The following FCER1A variants were observed in gnomAD, a reference collection of about 807,000 sequenced individuals.
The protein encoded by FCER1A is high affinity immunoglobulin epsilon receptor subunit alpha.
In FCER1A, 24 loss-of-function variants were observed where a neutral mutation model predicts 23.6. The observed-to-expected ratio is 1.02, with a 90% CI of 0.74 to 1.43. The LOEUF is 1.43. Ranked by LOEUF, FCER1A falls within the 40% of genes most tolerant of loss-of-function variation. The probability of loss-of-function intolerance (pLI) is 0.00; values close to 1 mark genes in which losing one functional copy is unlikely to be tolerated. For missense variants in FCER1A, 318 were observed against 294.5 expected, an observed-to-expected ratio of 1.08 and a Z score of -0.58; for synonymous variants, 121 against 108.8, an observed-to-expected ratio of 1.11 and a Z score of -0.70.
chr1:159,307,216 T>A (rs1429351689), intron 4 of FCER1A, among the ~76,000 whole-genome samples: 7 of 152,260 alleles, frequency 4.6e-5, no homozygotes, highest in Admixed American at 4.6e-4. Context: ...AAATGATTTC[T>A]GGATGTAATA....
intron 3 of FCER1A, among the ~76,000 whole-genome samples, chr1:159,305,103 C>T (rs980403945): frequency 8.6e-5 from 13 of 151,762 alleles, no homozygotes; most frequent in Non-Finnish European, 1.5e-4. Flanking sequence ...CTTTTATACT[C>T]TATATTTTTC....
intron 1 of FCER1A, among the ~76,000 whole-genome samples, chr1:159,297,092 T>C (rs902326470): frequency 3.3e-5 from 5 of 152,172 alleles, no homozygotes; most frequent in African/African-American, 1.2e-4. Flanking sequence ...TTTGAAACTG[T>C]GTAATTCTGT....
chr1:159,307,607 C>G, intron 4 of FCER1A, 141 bp from the exon 5 acceptor site: 1 of 597,410 alleles, frequency 1.7e-6, no homozygotes, highest in African/African-American at 1.8e-5. Context: ...TGAGTGTTTT[C>G]TCTGTGCTTC....
upstream of FCER1A, among the ~76,000 whole-genome samples, chr1:159,288,068 A>G (rs1483088338): frequency 6.6e-6 from 1 of 152,210 alleles, no homozygotes; most frequent in Non-Finnish European, 1.5e-5. Flanking sequence ...TGATAAGGTA[A>G]GAATGGAGTA....
chr1:159,295,023 A>G (rs913466188), intron 1 of FCER1A, among the ~76,000 whole-genome samples: 1 of 152,322 alleles, frequency 6.6e-6, no homozygotes, highest in African/African-American at 2.4e-5. Flanking sequence ...TTAAAGATAA[A>G]TTGGCATCAT....
upstream of FCER1A, among the ~76,000 whole-genome samples, chr1:159,299,023 C>T (rs1652363867): frequency 6.6e-6 from 1 of 152,180 alleles, no homozygotes; most frequent in Non-Finnish European, 1.5e-5. Context: ...AGACATATTG[C>T]CAGGTTCAAA....
chr1:159,307,899 C>T lies in FCER1A; in HGVS notation c.741C>T (p.Asn247=). 6.2e-7 allele frequency: 1 copy of T among 1,611,862 alleles called. No individual in the cohort carries two copies. Among genetic ancestry groups the T allele is most frequent in the Non-Finnish European group, 8.5e-7 (1 of 1,178,264 alleles). Residue 247 remains asparagine, a synonymous_variant, in exon 5 of 5, where the codon AAC becomes AAT. Coordinates refer to ENST00000693622, the MANE Select transcript of FCER1A (RefSeq NM_001387280.1). ...CCAGGAAAGGCTTCAGACTTCTGAA[C>T]CCACATCCTAAGCCAAACCCCAAAA... is the stretch of plus-strand genomic sequence containing the variant. ...KRTRKGFRLL[N]PHPKPNPKNN is the part of the protein sequence containing the mutation.
chr1:159,300,058 T>C (rs1652392464), upstream of FCER1A, among the ~76,000 whole-genome samples: 1 of 152,176 alleles, frequency 6.6e-6, no homozygotes, highest in Non-Finnish European at 1.5e-5. Flanking sequence ...TGCTACATTT[T>C]TGCTGTTACT....
At chr1:159,303,244 T>C (rs914782293) in intron 2 of FCER1A, among the ~76,000 whole-genome samples, 1 of 152,180 alleles carries the variant, frequency 6.6e-6, no homozygotes, top group African/African-American at 2.4e-5. Context: ...AGGAACTGGA[T>C]TTCAACGTAA....
At chr1:159,300,342 G>A (rs1652399335), upstream of FCER1A, among the ~76,000 whole-genome samples, 1 of 152,098 alleles carries the variant, frequency 6.6e-6, no homozygotes. Flanking sequence ...TTGATTGTAG[G>A]TTCACTGTCC....
At chr1:159,296,514 A>G (rs1331238053) in intron 1 of FCER1A, among the ~76,000 whole-genome samples, 1 of 152,230 alleles carries the variant, frequency 6.6e-6, no homozygotes, top group Non-Finnish European at 1.5e-5. Context: ...AAAGCCAAGG[A>G]TAATCTTTCC....
At chr1:159,294,609 A>G (rs778587696) in intron 1 of FCER1A, among the ~76,000 whole-genome samples, 5 of 152,156 alleles carry the variant, frequency 3.3e-5, no homozygotes, top group Non-Finnish European at 5.9e-5. Flanking sequence ...TCTTCTCCCC[A>G]AGGGAAAAGA....
At chr1:159,283,810 T>C in the FCER1A span, among the ~76,000 whole-genome samples, 2 of 152,096 alleles carry the variant, frequency 1.3e-5, no homozygotes, top group African/African-American at 2.4e-5. Context: ...GAGCTGTGTA[T>C]ATTTATTTTC....
At chr1:159,287,536 T>G (rs1333764820), upstream of FCER1A, among the ~76,000 whole-genome samples, 1 of 152,002 alleles carries the variant, frequency 6.6e-6, no homozygotes, top group East Asian at 1.9e-4. Flanking sequence ...ACAAGATTGG[T>G]GGTTTCCACA....
At position 159,307,754 on chromosome 1, in the gene FCER1A, G is replaced by C. The variant is rs1433078324; in HGVS notation, c.596G>C (p.Arg199Pro). ...PLNITVIKAP[R>P]EKYWLQFFIP... is the part of the protein sequence containing the mutation. ...CATCTGTGTTCCACTACAGCTCCGC[G>C]TGAGAAGTACTGGCTACAATTTTTT... The change falls in exon 5 of 5, where the codon CGT becomes CCT. Residue 199 changes from arginine to proline, a missense_variant. Arg to Pro is a moderately radical substitution (Grantham distance 103). Coordinates refer to ENST00000693622, the MANE Select transcript of FCER1A (RefSeq NM_001387280.1). 2 of 1,598,806 alleles carry C rather than the reference G, an allele frequency of 1.3e-6. No individual in the cohort carries two copies. The highest frequency in any genetic ancestry group is 1.7e-5 in the Admixed American group (1 of 59,880).
chr1:159,295,915 A>G (rs1250778762), intron 1 of FCER1A, among the ~76,000 whole-genome samples: 3 of 152,206 alleles, frequency 2.0e-5, no homozygotes, highest in Non-Finnish European at 2.9e-5. Context: ...CCAACAATCA[A>G]TAATAGAAAA....
chr1:159,286,361 C>T (rs1003297797), upstream of FCER1A, among the ~76,000 whole-genome samples: 4 of 150,990 alleles, frequency 2.6e-5, no homozygotes, highest in Non-Finnish European at 5.9e-5. Flanking sequence ...GAGACAAAGT[C>T]TCTCTCTGTT....
intron 3 of FCER1A, among the ~76,000 whole-genome samples, chr1:159,305,760 C>A (rs1652583011): frequency 6.6e-6 from 1 of 152,112 alleles, no homozygotes; most frequent in African/African-American, 2.4e-5. Context: ...GTCCGAGAGG[C>A]TTTGTGGCCC....
At chr1:159,291,215 G>C (rs748884306) in intron 1 of FCER1A, among the ~76,000 whole-genome samples, 9 of 152,134 alleles carry the variant, frequency 5.9e-5, no homozygotes, top group Non-Finnish European at 1.2e-4. Flanking sequence ...AGTGTATCTT[G>C]AGCATGTTTG....
Sources: gnomAD v4.1 joint callset for allele counts (sites outside exome capture counted in the v4.1 genomes callset) on GRCh38, gnomAD v4.1.1 for gene constraint, MANE v1.5 for transcripts, NCBI Gene and HGNC (gene_info 2026-07-23, HGNC 2026-07-21) for gene names.